TRPM8: variants seen among roughly 807,000 people sequenced by gnomAD.
TRPM8 encodes transient receptor potential cation channel subfamily M member 8.
A neutral mutation model predicts 133.7 loss-of-function variants in TRPM8; 110 were observed. The observed-to-expected ratio is 0.82, with a 90% confidence interval of 0.70 to 0.96. The LOEUF (loss-of-function observed/expected upper bound fraction) is 0.96. Ranked by LOEUF, TRPM8 falls within the 40% of genes least tolerant of loss-of-function variation. The pLI is 0.00. For synonymous variants in TRPM8, 535 were observed against 532.3 expected (o/e 1.01, Z -0.07); for missense variants, 1,291 against 1,379.5 (o/e 0.94, Z 1.02).
intron 17 of TRPM8, among the ~76,000 whole-genome samples, chr2:233,977,478 G>T (rs1463282338): frequency 6.6e-6 from 1 of 152,222 alleles, no homozygotes; most frequent in Non-Finnish European, 1.5e-5. Flanking sequence ...AAGTCTCCCG[G>T]GCTGAGGTTG....
chr2:233,980,378 C>T (rs778932620), intron 18 of TRPM8, 99 bp downstream of exon 18: 8 of 745,424 alleles, frequency 1.1e-5, no homozygotes, highest in Admixed American at 3.2e-5. Flanking sequence ...GTCTATTACT[C>T]ATTAGAGATT....
chr2:234,014,826 T>G, intron 25 of TRPM8, 172 bp downstream of exon 25: 2 of 406,716 alleles, frequency 4.9e-6, no homozygotes, highest in Non-Finnish European at 4.4e-6. Context: ...CAAGTTGAAG[T>G]TCCTCCTCAC....
At chr2:233,956,216 A>G (rs1691290530) in intron 11 of TRPM8, among the ~76,000 whole-genome samples, 1 of 152,222 alleles carries the variant, frequency 6.6e-6, no homozygotes. Flanking sequence ...CCAGGAAACC[A>G]GCCCCTTGTG....
chr2:233,979,859 C>T (rs1691962260), intron 17 of TRPM8, among the ~76,000 whole-genome samples: 1 of 152,204 alleles, frequency 6.6e-6, no homozygotes, highest in African/African-American at 2.4e-5. Context: ...TACCACTGTA[C>T]ATGGTGGCTG....
rs1255623359 is a variant in TRPM8, at chr2:233,939,180, G to A, written c.526+5G>A. The A allele has an allele frequency of 1.7e-5, 27 of 1,612,618 alleles. No individual in the cohort carries two copies. Among genetic ancestry groups the A allele is most frequent in the Non-Finnish European group, 2.2e-5 (26 of 1,179,144 alleles). On this transcript the variant is annotated splice_donor_5th_base_variant and intron_variant, in intron 5 of 25. Transcript: ENST00000324695. The stretch of plus-strand genomic sequence containing the variant: ...TCTACATCGCGCAGTCCAAAGGTGA[G>A]GGTGGGAGCAGCGACCGCGGGTTCT...
intron 12 of TRPM8, 28 bp downstream of exon 12, chr2:233,961,094 A>G: frequency 6.2e-7 from 1 of 1,602,008 alleles, no homozygotes; most frequent in Non-Finnish European, 8.5e-7. Flanking sequence ...TGCCTGCTTG[A>G]GTTCTCGGAT....
intron 23 of TRPM8, 128 bp from the exon 24 acceptor site, chr2:234,007,941 GA>G (rs1350414407): frequency 2.2e-5 from 21 of 948,100 alleles, no homozygotes; most frequent in Non-Finnish European, 3.4e-5. Context: ...GCTGATTCTT[GA>G]TTTAGCTAAG....
intron 19 of TRPM8, among the ~76,000 whole-genome samples, chr2:233,982,406 A>G (rs549672457): frequency 1.3e-5 from 2 of 152,312 alleles, no homozygotes; most frequent in Admixed American, 6.5e-5. Flanking sequence ...TTACACATGG[A>G]TGGTGTTGCT....
chr2:233,934,708 A>G (rs1397720479), intron 3 of TRPM8, among the ~76,000 whole-genome samples: 1 of 152,228 alleles, frequency 6.6e-6, no homozygotes, highest in African/African-American at 2.4e-5. Flanking sequence ...CCAGCACTTC[A>G]AGAAGATCAC....
At chr2:233,999,473 T>G (rs1269366269) in intron 22 of TRPM8, among the ~76,000 whole-genome samples, 2 of 151,380 alleles carry the variant, frequency 1.3e-5, no homozygotes, top group East Asian at 3.9e-4. Context: ...TGCTTCTGGG[T>G]GGGAAGGACA....
rs1280983305 is a variant in TRPM8, at chr2:233,969,797, G to A, written c.2128G>A (p.Val710Ile). The change falls in exon 16 of 26, where the codon GTA becomes ATA. Residue 710 changes from valine (V) to isoleucine (I), a missense_variant. By Grantham distance (29) the Val-to-Ile change is conservative. This residue lies in a region of TRPM8 where 963 missense variants were observed against 968.9 expected (regional missense o/e 0.99). Coordinates refer to ENST00000324695, the MANE Select transcript of TRPM8 (RefSeq NM_024080.5). ...FIIPLVGCGF[V>I]SFRKKPVDKH... is the part of the protein sequence containing the mutation. Reference sequence around the variant, plus strand: ...TATACCCTTGGTGGGCTGTGGCTTTGTATCATTTAGGTACAAACCAAGGCA... The same window carrying A: ...TATACCCTTGGTGGGCTGTGGCTTTATATCATTTAGGTACAAACCAAGGCA... 2 of 1,607,218 alleles carry A rather than the reference G, an allele frequency of 1.2e-6. No homozygotes were observed. Among genetic ancestry groups the A allele is most frequent in the Non-Finnish European group, 1.7e-6 (2 of 1,173,720 alleles).
At chr2:233,946,888 C>G (rs1405044398) in intron 7 of TRPM8, among the ~76,000 whole-genome samples, 200 bp from the exon 8 acceptor site, 1 of 152,164 alleles carries the variant, frequency 6.6e-6, no homozygotes, top group Non-Finnish European at 1.5e-5. Flanking sequence ...TGCAACATGA[C>G]CCATGTCATG....
At chr2:233,997,278 A>G (rs1312918145) in intron 22 of TRPM8, among the ~76,000 whole-genome samples, 1 of 152,226 alleles carries the variant, frequency 6.6e-6, no homozygotes, top group Non-Finnish European at 1.5e-5. Context: ...CGTCTCAAAA[A>G]AAAAGAAAGA....
intron 23 of TRPM8, 127 bp downstream of exon 23, chr2:234,007,079 G>T (rs962946935): frequency 1.3e-5 from 8 of 635,206 alleles, no homozygotes; most frequent in African/African-American, 1.8e-5. Context: ...CCACCACAAA[G>T]ATATTACCCG....
intron 1 of TRPM8, among the ~76,000 whole-genome samples, chr2:233,920,792 C>T (rs935144506): frequency 1.3e-5 from 2 of 151,810 alleles, no homozygotes; most frequent in Non-Finnish European, 2.9e-5. Flanking sequence ...ATGTAACTAT[C>T]ATACAAGATT....
Position 233,950,084 on chromosome 2 carries a change from C to T in TRPM8, c.1078C>T (p.Arg360Cys), listed in dbSNP as rs145944024. ...TTCTGCCGTCAAGGAGAAGCTGGTG[C>T]GCTTTTTACCCCGCACGGTGTCCCG... ...TSSAVKEKLV[R>C]FLPRTVSRLP... is the part of the protein sequence containing the mutation. Residue 360 changes from arginine to cysteine, a missense_variant, in exon 9 of 26, where the codon CGC becomes TGC. By Grantham distance (180) the Arg-to-Cys change is radical. Around this residue, in one of 2 missense-constraint regions of TRPM8, gnomAD observed 963 missense variants for 968.9 expected, o/e 0.99. Transcript: ENST00000324695. The T allele has an allele frequency of 8.7e-5, 140 of 1,613,878 alleles. No individual in the cohort carries two copies. In the African/African-American group the frequency reaches 1.5e-3, roughly 17 times the overall value.
chr2:233,941,350 C>G (rs1690900661), intron 5 of TRPM8, among the ~76,000 whole-genome samples: 2 of 152,158 alleles, frequency 1.3e-5, no homozygotes, highest in South Asian at 4.1e-4. Context: ...AGGAAGGAGA[C>G]TGGGTGCTGA....
At chr2:233,952,798 C>T (rs1463340504) in intron 9 of TRPM8, among the ~76,000 whole-genome samples, 3 of 151,890 alleles carry the variant, frequency 2.0e-5, no homozygotes, top group Admixed American at 6.6e-5. Flanking sequence ...TGGGGTCCAT[C>T]GGTTTACTTG....
chr2:233,992,526 T>G (rs11563056), intron 21 of TRPM8, among the ~76,000 whole-genome samples: 46,239 of 151,972 alleles, frequency 0.3, 7,292 homozygotes, highest in Middle Eastern at 0.39. Flanking sequence ...CTTGGTACCA[T>G]TTCCACTCTC....
Sources: gnomAD v4.1 joint callset for allele counts (sites outside exome capture counted in the v4.1 genomes callset) on GRCh38, gnomAD v4.1.1 for gene constraint, gnomAD v4.1.1 regional missense constraint, MANE v1.5 for transcripts, NCBI Gene and HGNC (gene_info 2026-07-23, HGNC 2026-07-21) for gene names.